ERBIN: variants seen among roughly 807,000 people sequenced by gnomAD.
The protein encoded by ERBIN is densin-180-like protein.
Under a neutral mutation model 158.4 loss-of-function variants are expected in ERBIN, and 60 were observed. The ratio of observed to expected loss-of-function variants is 0.38; its 90% CI spans 0.31 to 0.47. The LOEUF (loss-of-function observed/expected upper bound fraction) is 0.47. ERBIN is among the 20% of genes least tolerant of loss of function. The pLI is 0.99. For synonymous variants in ERBIN, 594 were observed against 557.2 expected, an observed-to-expected ratio of 1.07 and a Z score of -0.93; for missense variants, 1,610 against 1,648.0, an observed-to-expected ratio of 0.98 and a Z score of 0.40.
At chr5:65,965,990 A>G (rs1748576549) in intron 1 of ERBIN, among the ~76,000 whole-genome samples, 1 of 152,238 alleles carries the variant, frequency 6.6e-6, no homozygotes, top group African/African-American at 2.4e-5. Flanking sequence ...AACCTCTACT[A>G]TAACAAGGTA....
chr5:66,074,917 T>C (rs1228024470), intron 22 of ERBIN, 107 bp from the exon 23 acceptor site: 1 of 921,646 alleles, frequency 1.1e-6, no homozygotes. Context: ...TTGACTTAAT[T>C]AGAATGTGAA....
chr5:66,054,786 T>A lies in ERBIN; in HGVS notation c.3468T>A (p.Thr1156=). 1 of 1,614,078 alleles carries A rather than the reference T, an allele frequency of 6.2e-7. No homozygotes were observed. The highest frequency in any genetic ancestry group is 8.5e-7 in the Non-Finnish European group (1 of 1,179,978). ...RPSINEIPER[T]MSVSDFNYSR... is the part of the protein sequence containing the mutation. ...CTATTAATGAAATACCAGAGAGAAC[T>A]ATGTCAGTTAGTGATTTCAATTATT... The change falls in exon 21 of 26, where the codon ACT becomes ACA. Residue 1156 remains threonine (T), a synonymous_variant. Coordinates refer to ENST00000284037, the MANE Select transcript of ERBIN (RefSeq NM_001253697.2).
rs1299541840 is a variant in ERBIN at position 66,081,820 on chromosome 5, T to A, written c.*3290T>A. ...TCTGTTTTAATGTTCAGTGAATAGG[T>A]TTCTTATGAAATGGACATTGAAATA... On this transcript the variant is annotated 3_prime_UTR_variant, in exon 26 of 26. Transcript: ENST00000284037. The A allele has an allele frequency of 6.6e-6, 1 of 151,994 alleles. No homozygotes were observed. The highest frequency in any genetic ancestry group is 1.5e-5 in the Non-Finnish European group (1 of 67,960). The allele number at this position is 151,994 out of a possible 1,614,324, so 9.4% of individuals were successfully genotyped here.
intron 21 of ERBIN, chr5:66,069,167 A>G: frequency 1.5e-6 from 1 of 686,454 alleles, no homozygotes; most frequent in Non-Finnish European, 2.2e-6. Flanking sequence ...TTAGTTCTAA[A>G]TCTTTCTTCA....
chr5:66,071,722 A>ATT lies in ERBIN; in HGVS notation c.3634-429_3634-428dup, dbSNP rs372294339. ...TGTTCTATTGAAAGAACAGCAGTTA[A>ATT]TTTTTTTTTTTTTTTTTTTACCAAA... is the stretch of plus-strand genomic sequence containing the variant. On this transcript the variant is annotated intron_variant, in intron 21 of 25. Transcript: ENST00000284037. Among the ~76,000 whole-genome samples the ATT allele has an allele frequency of 5.7e-3, 761 of 133,370 alleles. 9 individuals carry two copies. Among genetic ancestry groups the ATT allele is most frequent in the African/African-American group, 0.018 (670 of 36,598 alleles). 87.5% of individuals were successfully genotyped at this position (133,370 alleles called of 152,430 possible). A position where few individuals can be genotyped will look rare whatever the true frequency, so the allele number is the denominator to read the frequency against.
rs187064771 is a variant in ERBIN, at chr5:66,055,946, A to G, written c.3633+995A>G. The stretch of plus-strand genomic sequence containing the variant: ...TTTAAATAGGTAAATATCCACAAGC[A>G]TTAGGCTACTTCATTCTCATCTATG... On this transcript the variant is annotated intron_variant, in intron 21 of 25. Coordinates refer to ENST00000284037, the MANE Select transcript of ERBIN (RefSeq NM_001253697.2). Among the ~76,000 whole-genome samples the G allele has an allele frequency of 1.3e-3, 195 of 152,312 alleles. 1 individual carries two copies. The highest frequency in any genetic ancestry group is 4.4e-3 in the African/African-American group (183 of 41,568).
At chr5:66,026,257 C>G (rs747717017) in intron 12 of ERBIN, 45 bp from the exon 13 acceptor site, 1 of 1,305,106 alleles carries the variant, frequency 7.7e-7, no homozygotes, top group South Asian at 1.4e-5. Context: ...GTTGATCAAC[C>G]TGTAGGCCAA....
At position 66,054,651 on chromosome 5, in the gene ERBIN, C is replaced by T. The variant is rs1759411431; in HGVS notation, c.3333C>T (p.His1111=). 1 of 1,614,136 alleles carries T rather than the reference C, an allele frequency of 6.2e-7. No homozygotes were observed. The highest frequency in any genetic ancestry group is 2.2e-5 in the East Asian group (1 of 44,880). The change falls in exon 21 of 26, where the codon CAC becomes CAT. Residue 1111 remains histidine, a synonymous_variant. Coordinates refer to ENST00000284037, the MANE Select transcript of ERBIN (RefSeq NM_001253697.2). ...ATTATTTATCATACAGAGAGTTCCA[C>T]TCAGCGGGAAGAACTCCTCCAATGA... The part of the protein sequence containing the change: ...EGDYLSYREF[H]SAGRTPPMMP...
At chr5:66,077,252 G>T (rs1247788438) in intron 25 of ERBIN, among the ~76,000 whole-genome samples, 1 of 152,008 alleles carries the variant, frequency 6.6e-6, no homozygotes, top group Non-Finnish European at 1.5e-5. Flanking sequence ...CCACTTCTTG[G>T]ATGTGGGCTA....
intron 4 of ERBIN, among the ~76,000 whole-genome samples, chr5:66,008,512 A>AT (rs1753858182): frequency 6.6e-6 from 1 of 152,164 alleles, no homozygotes; most frequent in South Asian, 2.1e-4. Flanking sequence ...TAATAAATAC[A>AT]TTTTTATAGG....
At position 66,026,437 on chromosome 5, in the gene ERBIN, T is replaced by C. The variant is rs2151155383; in HGVS notation, c.1136+20T>C. On this transcript the variant is annotated intron_variant, in intron 13 of 25. Coordinates refer to ENST00000284037, the MANE Select transcript of ERBIN (RefSeq NM_001253697.2). ...TAATAGGTTCGTAATACTATATTCATCAGTTGGTTTATAGGAGACATTGGT... is the reference window on the plus strand; with the variant it reads ...TAATAGGTTCGTAATACTATATTCACCAGTTGGTTTATAGGAGACATTGGT... 7.3e-7 allele frequency: 1 copy of C among 1,376,474 alleles called. No homozygotes were observed. The highest frequency in any genetic ancestry group is 1.3e-5 in the South Asian group (1 of 78,492). 85.3% of individuals were successfully genotyped at this position (1,376,474 alleles called of 1,614,324 possible). A position where few individuals can be genotyped will look rare whatever the true frequency, so the allele number is the denominator to read the frequency against.
intron 2 of ERBIN, 93 bp from the exon 3 acceptor site, chr5:65,992,617 G>C (rs1383812366): frequency 9.7e-6 from 9 of 930,098 alleles, no homozygotes; most frequent in Non-Finnish European, 1.4e-5. Context: ...GTGTTTATCT[G>C]TGACATATGA....
intron 1 of ERBIN, among the ~76,000 whole-genome samples, chr5:65,942,753 T>C (rs152942): frequency 0.82 from 123,915 of 152,024 alleles, 50,999 homozygotes; most frequent in Non-Finnish European, 0.86. Flanking sequence ...GGTGAAACTC[T>C]GTGTCTACTA....
intron 6 of ERBIN, 39 bp from the exon 7 acceptor site, chr5:66,014,630 T>C: frequency 1.1e-6 from 1 of 950,412 alleles, no homozygotes; most frequent in South Asian, 1.6e-5. Context: ...AAATTCATTG[T>C]CTTTGTCCTA....
At chr5:66,074,976 A>G (rs1761854688) in intron 22 of ERBIN, 48 bp from the exon 23 acceptor site, 7 of 1,550,074 alleles carry the variant, frequency 4.5e-6, no homozygotes, top group Non-Finnish European at 4.4e-6. Flanking sequence ...AATATTTGAA[A>G]TAAGACATTA....
chr5:66,010,981 AT>A (rs59270399), intron 4 of ERBIN, among the ~76,000 whole-genome samples: 6,443 of 152,214 alleles, frequency 0.042, 462 homozygotes, highest in African/African-American at 0.15. Flanking sequence ...TTGTAAGTGT[AT>A]TTGGTCCACA....
At chr5:66,064,288 A>C (rs187509200) in intron 21 of ERBIN, among the ~76,000 whole-genome samples, 115 of 152,344 alleles carry the variant, frequency 7.5e-4, no homozygotes, top group Non-Finnish European at 1.4e-3. Context: ...TGGTTGAATT[A>C]AAGATGTATT....
chr5:65,990,092 G>T (rs1295720854), intron 2 of ERBIN, among the ~76,000 whole-genome samples: 1 of 152,176 alleles, frequency 6.6e-6, no homozygotes, highest in East Asian at 1.9e-4. Flanking sequence ...TGTTGACAGA[G>T]ATTTTAGATG....
chr5:66,078,719 CT>C lies in ERBIN; in HGVS notation c.*190del. Reference sequence around the variant, plus strand: ...ACCACTGTACAGAATATAAAGGAGACTGTTGAATTCATACCATATAAAACTT... The same window carrying C: ...ACCACTGTACAGAATATAAAGGAGACGTTGAATTCATACCATATAAAACTT... On this transcript the variant is annotated 3_prime_UTR_variant, in exon 26 of 26. Coordinates refer to ENST00000284037, the MANE Select transcript of ERBIN (RefSeq NM_001253697.2). 1.8e-6 allele frequency: 1 copy of C among 550,198 alleles called. No individual in the cohort carries two copies. Among genetic ancestry groups the C allele is most frequent in the Middle Eastern group, 4.8e-4 (1 of 2,070 alleles). The allele number at this position is 550,198 out of a possible 1,614,324, so 34.1% of individuals were successfully genotyped here.
Sources: gnomAD v4.1 joint callset for allele counts (sites outside exome capture counted in the v4.1 genomes callset) on GRCh38, gnomAD v4.1.1 for gene constraint, MANE v1.5 for transcripts, NCBI Gene and HGNC (gene_info 2026-07-23, HGNC 2026-07-21) for gene names.